CCDC171: variants seen among roughly 807,000 people sequenced by gnomAD.
CCDC171 encodes the protein coiled-coil domain containing 171, also known as coiled-coil domain-containing protein 171.
A neutral mutation model predicts 168.2 loss-of-function variants in CCDC171; 177 were observed. The ratio of observed to expected loss-of-function variants is 1.05; its 90% CI spans 0.93 to 1.19. CCDC171 has a LOEUF of 1.19. CCDC171 is among the 50% of genes most tolerant of loss of function. The pLI is 0.00. For missense variants in CCDC171, 1,991 were observed against 1,539.0 expected (o/e 1.29, Z -4.91); for synonymous variants, 687 against 540.8 (o/e 1.27, Z -3.75).
chr9:15,616,618 A>G (rs1417822336), intron 6 of CCDC171, among the ~76,000 whole-genome samples: 2 of 152,150 alleles, frequency 1.3e-5, no homozygotes, highest in African/African-American at 4.8e-5. Context: ...TCAATGACTG[A>G]AAGTTGGAGA....
chr9:15,901,272 C>T (rs1821618943), intron 24 of CCDC171, among the ~76,000 whole-genome samples: 1 of 152,114 alleles, frequency 6.6e-6, no homozygotes, highest in Non-Finnish European at 1.5e-5. Context: ...ATAGTGAATA[C>T]ATGTCACTAT....
chr9:15,705,564 CTCTT>C (rs1259464855), intron 11 of CCDC171, among the ~76,000 whole-genome samples: 1 of 152,160 alleles, frequency 6.6e-6, no homozygotes, highest in African/African-American at 2.4e-5. Flanking sequence ...CTGTATAGCT[CTCTT>C]TCTTGTCTTC....
At chr9:15,884,125 AT>A (rs1225243682) in intron 24 of CCDC171, among the ~76,000 whole-genome samples, 1 of 152,104 alleles carries the variant, frequency 6.6e-6, no homozygotes, top group Non-Finnish European at 1.5e-5. Context: ...GTAGCACTGG[AT>A]AGAATTCCAG....
At chr9:15,951,184 A>T (rs974859007) in intron 25 of CCDC171, among the ~76,000 whole-genome samples, 1 of 150,532 alleles carries the variant, frequency 6.6e-6, no homozygotes, top group African/African-American at 2.4e-5. Flanking sequence ...GGGAGACTTT[A>T]ACACCCCACT....
intron 3 of CCDC171, among the ~76,000 whole-genome samples, chr9:15,985,681 G>A (rs1831963546): frequency 6.6e-6 from 1 of 152,198 alleles, no homozygotes; most frequent in African/African-American, 2.4e-5. Flanking sequence ...AAGTTGTACT[G>A]TAATATGTAG....
chr9:15,632,457 C>G (rs927364142), intron 7 of CCDC171, among the ~76,000 whole-genome samples: 1 of 152,016 alleles, frequency 6.6e-6, no homozygotes, highest in Non-Finnish European at 1.5e-5. Flanking sequence ...AGGAATCCAA[C>G]TTACAAGGGA....
At chr9:15,960,686 G>C (rs532565953) in intron 25 of CCDC171, among the ~76,000 whole-genome samples, 15 of 152,248 alleles carry the variant, frequency 9.9e-5, no homozygotes, top group African/African-American at 3.6e-4. Context: ...ATTTGTTTTA[G>C]AACATGTGCC....
intron 6 of CCDC171, among the ~76,000 whole-genome samples, chr9:15,599,768 G>T (rs1048972877): frequency 6.6e-6 from 1 of 152,060 alleles, no homozygotes; most frequent in Non-Finnish European, 1.5e-5. Context: ...CATTCTGCCC[G>T]TCACTTTCAG....
At chr9:15,751,927 G>C (rs1001626286) in intron 18 of CCDC171, among the ~76,000 whole-genome samples, 1 of 152,068 alleles carries the variant, frequency 6.6e-6, no homozygotes, top group African/African-American at 2.4e-5. Context: ...ATTAAACTGA[G>C]GAGCTTCTGC....
At position 15,777,691 on chromosome 9, in the gene CCDC171, A is replaced by T. The variant is rs1249832798; in HGVS notation, c.2763A>T (p.Glu921Asp). 8.7e-6 allele frequency: 14 copies of T among 1,613,914 alleles called. No homozygotes were observed. Among genetic ancestry groups the T allele is most frequent in the Middle Eastern group, 1.6e-4 (1 of 6,084 alleles). The change falls in exon 19 of 26, where the codon GAA (glutamate) becomes GAT (aspartate). Residue 921 changes from glutamate (E) to aspartate (D), a missense_variant. Transcript: ENST00000380701. Reference protein sequence around the residue: ...KLMDKISLVMECIPLHSSRSI... With the variant: ...KLMDKISLVMDCIPLHSSRSI... Reference sequence around the variant, plus strand: ...TGGATAAAATTAGTCTGGTAATGGAATGTATACCTCTGCACAGTAGCAGGA... The same window carrying T: ...TGGATAAAATTAGTCTGGTAATGGATTGTATACCTCTGCACAGTAGCAGGA...
At chr9:16,103,807 A>G in the CCDC171 span, among the ~76,000 whole-genome samples, 5 of 152,242 alleles carry the variant, frequency 3.3e-5, no homozygotes, top group East Asian at 9.7e-4. Context: ...CCCCCCAGTG[A>G]TTTACGGGCT....
At chr9:15,748,167 C>T (rs116753513) in intron 18 of CCDC171, among the ~76,000 whole-genome samples, 2,688 of 152,116 alleles carry the variant, frequency 0.018, 94 homozygotes, top group African/African-American at 0.061. Flanking sequence ...ATGAGAAATT[C>T]ATGAAGCATA....
chr9:15,935,994 A>G (rs1000020068), intron 25 of CCDC171, among the ~76,000 whole-genome samples: 19 of 152,190 alleles, frequency 1.2e-4, no homozygotes, highest in Admixed American at 1.2e-3. Context: ...AAAACAACTT[A>G]GGCTGGCAAT....
the CCDC171 span, among the ~76,000 whole-genome samples, chr9:16,082,356 G>C: frequency 6.6e-6 from 1 of 152,164 alleles, no homozygotes; most frequent in Admixed American, 6.5e-5. Flanking sequence ...TCAATTCATG[G>C]CTTCATAGCA....
chr9:15,795,707 G>A (rs1001628344), intron 21 of CCDC171, among the ~76,000 whole-genome samples: 1 of 152,210 alleles, frequency 6.6e-6, no homozygotes, highest in African/African-American at 2.4e-5. Context: ...TGGAAGGGCT[G>A]CCCTACTATG....
intron 1 of CCDC171, among the ~76,000 whole-genome samples, chr9:16,050,539 A>T (rs1833734402): frequency 6.6e-6 from 1 of 152,232 alleles, no homozygotes; most frequent in Non-Finnish European, 1.5e-5. Context: ...CCAGTTTGCC[A>T]TACTGTTTTT....
At chr9:16,007,812 C>A (rs1047817676) in intron 3 of CCDC171, among the ~76,000 whole-genome samples, 3 of 152,098 alleles carry the variant, frequency 2.0e-5, no homozygotes, top group East Asian at 3.9e-4. Context: ...GGTAACAGTA[C>A]CATGCTGTTT....
At chr9:15,612,550 T>G (rs186642789) in intron 6 of CCDC171, among the ~76,000 whole-genome samples, 1 of 152,326 alleles carries the variant, frequency 6.6e-6, no homozygotes, top group Admixed American at 6.5e-5. Context: ...CATCTCATAT[T>G]TGAATTCTGG....
intron 25 of CCDC171, among the ~76,000 whole-genome samples, chr9:15,928,324 A>G (rs897218926): frequency 2.0e-4 from 31 of 151,774 alleles, no homozygotes; most frequent in Admixed American, 4.0e-4. Flanking sequence ...CTCAGTTGAA[A>G]AAAATGAAGA....
Sources: gnomAD v4.1 joint callset for allele counts (sites outside exome capture counted in the v4.1 genomes callset) on GRCh38, gnomAD v4.1.1 for gene constraint, MANE v1.5 for transcripts, NCBI Gene and HGNC (gene_info 2026-07-23, HGNC 2026-07-21) for gene names.